Variants in MSI2 observed in about 807,000 individuals in gnomAD.
The protein encoded by MSI2 is musashi RNA binding protein 2, also known as RNA-binding protein Musashi homolog 2.
A neutral mutation model predicts 45.6 loss-of-function variants in MSI2; 17 were observed. That is an observed-to-expected ratio of 0.37 (90% CI 0.26 to 0.56). The LOEUF (loss-of-function observed/expected upper bound fraction) is 0.56. Among genes scored for constraint, MSI2 ranks in the 20% least tolerant of loss-of-function variants. The probability of loss-of-function intolerance (pLI) is 0.77; values close to 1 mark genes in which losing one functional copy is unlikely to be tolerated. For missense variants in MSI2, 293 were observed against 444.2 expected (o/e 0.66, Z 3.06); for synonymous variants, 156 against 158.2 (o/e 0.99, Z 0.11).
At position 57,538,942 on chromosome 17, in the gene MSI2, A is replaced by G. The variant is rs954294860; in HGVS notation, c.454+9218A>G. 2.0e-5 allele frequency among the ~76,000 whole-genome samples: 3 copies of G among 152,164 alleles called. No homozygotes were observed. In the East Asian group the frequency reaches 5.8e-4, roughly 29 times the overall value. On this transcript the variant is annotated intron_variant, in intron 7 of 13. Coordinates refer to ENST00000284073, the MANE Select transcript of MSI2 (RefSeq NM_138962.4). ...TCAGATTCCTTATCTGTAAAATAGG[A>G]CATTGGGTTAGCCTGAAGCTTACGT... is the stretch of plus-strand genomic sequence containing the variant.
chr17:57,468,353 A>G (rs2085367896), intron 6 of MSI2, among the ~76,000 whole-genome samples: 1 of 151,536 alleles, frequency 6.6e-6, no homozygotes, highest in Non-Finnish European at 1.5e-5. Flanking sequence ...CCCCGTCTCT[A>G]CTAAAAATAC....
intron 5 of MSI2, among the ~76,000 whole-genome samples, chr17:57,379,090 C>G (rs2083552807): frequency 6.6e-6 from 1 of 151,654 alleles, no homozygotes. Flanking sequence ...TTATTTCACT[C>G]TCCATCCCCT....
chr17:57,275,455 C>G (rs1167902078), intron 5 of MSI2, among the ~76,000 whole-genome samples: 2 of 152,158 alleles, frequency 1.3e-5, no homozygotes, highest in Admixed American at 6.5e-5. Flanking sequence ...ATCTACAAAC[C>G]CATGAGCCCT....
Position 57,285,811 on chromosome 17 carries a change from G to A in MSI2, c.312+23619G>A, listed in dbSNP as rs1189963905. The A allele has an allele frequency of 2.2e-6, 3 of 1,383,404 alleles. No individual in the cohort carries two copies. In the African/African-American group the frequency reaches 4.4e-5, roughly 20 times the overall value. The allele number at this position is 1,383,404 out of a possible 1,614,324, so 85.7% of individuals were successfully genotyped here. On this transcript the variant is annotated intron_variant, in intron 5 of 13. Transcript: ENST00000284073. ...TTTAGAAATGTTTTCTTTTCTCCTT[G>A]CCCGTCAGTTAGCCAAGCCTCCTAC...
At chr17:57,500,010 G>A (rs2086067542) in intron 6 of MSI2, among the ~76,000 whole-genome samples, 1 of 152,088 alleles carries the variant, frequency 6.6e-6, no homozygotes, top group Non-Finnish European at 1.5e-5. Context: ...CAACTGGAAT[G>A]AAGGGGAGGG....
intron 5 of MSI2, among the ~76,000 whole-genome samples, chr17:57,382,639 T>G (rs968100536): frequency 1.2e-4 from 19 of 152,200 alleles, no homozygotes; most frequent in African/African-American, 4.6e-4. Context: ...CTGCTGGCAA[T>G]TTTTGATGGC....
At chr17:57,287,915 C>T (rs1189472675) in intron 5 of MSI2, among the ~76,000 whole-genome samples, 1 of 152,130 alleles carries the variant, frequency 6.6e-6, no homozygotes. Flanking sequence ...CTGGAGACAG[C>T]AGTAGTGGGG....
chr17:57,584,791 G>GT lies in MSI2; in HGVS notation c.455-12062dup, dbSNP rs35283984. Among the ~76,000 whole-genome samples the GT allele has an allele frequency of 5.3e-3, 762 of 144,358 alleles. 3 individuals carry two copies. The highest frequency in any genetic ancestry group is 0.015 in the East Asian group (75 of 4,924). 94.7% of individuals were successfully genotyped at this position (144,358 alleles called of 152,430 possible). A position where few individuals can be genotyped will look rare whatever the true frequency, so the allele number is the denominator to read the frequency against. On this transcript the variant is annotated intron_variant, in intron 7 of 13. Coordinates refer to ENST00000284073, the MANE Select transcript of MSI2 (RefSeq NM_138962.4). The stretch of plus-strand genomic sequence containing the variant: ...ACTCAAAGATTAATGGATGATTTGG[G>GT]TTTTTTTTTTTTTTTAACCTAAATG...
chr17:57,269,268 G>T (rs1232997565), intron 5 of MSI2, among the ~76,000 whole-genome samples: 3 of 152,202 alleles, frequency 2.0e-5, no homozygotes, highest in South Asian at 2.1e-4. Flanking sequence ...TTTGTAGAAG[G>T]CCTCAAGGGC....
At chr17:57,502,630 T>G (rs1287374485) in intron 6 of MSI2, among the ~76,000 whole-genome samples, 4 of 129,378 alleles carry the variant, frequency 3.1e-5, no homozygotes, top group African/African-American at 1.1e-4. Flanking sequence ...TATATATATA[T>G]ATATATAGTC....
At chr17:57,269,520 A>T (rs1908151398) in intron 5 of MSI2, among the ~76,000 whole-genome samples, 1 of 152,218 alleles carries the variant, frequency 6.6e-6, no homozygotes, top group Non-Finnish European at 1.5e-5. Flanking sequence ...CTTCTTCAGG[A>T]GTGATGCTCT....
rs578170493 is a variant in MSI2, at chr17:57,589,429, C to T, written c.455-7439C>T. 6.6e-5 allele frequency among the ~76,000 whole-genome samples: 10 copies of T among 152,338 alleles called. No homozygotes were observed. The East Asian group carries it at 1.5e-3, about 24-fold the overall frequency. ...CCATGCATCTGTGCACACTACTCAT[C>T]GCTTCTGCACTTCCAGGTGGGGCCT... On this transcript the variant is annotated intron_variant, in intron 7 of 13. Coordinates refer to ENST00000284073, the MANE Select transcript of MSI2 (RefSeq NM_138962.4).
intron 8 of MSI2, among the ~76,000 whole-genome samples, chr17:57,607,987 T>G (rs1906815445): frequency 6.6e-6 from 1 of 152,132 alleles, no homozygotes; most frequent in Admixed American, 6.5e-5. Flanking sequence ...AGGCCCCACC[T>G]CCAACACTGG....
At chr17:57,592,282 C>G (rs776043194) in intron 7 of MSI2, among the ~76,000 whole-genome samples, 1 of 152,052 alleles carries the variant, frequency 6.6e-6, no homozygotes, top group Non-Finnish European at 1.5e-5. Context: ...TTTTTCCCAC[C>G]CATCACTCTA....
intron 6 of MSI2, among the ~76,000 whole-genome samples, chr17:57,475,161 G>C (rs1014291150): frequency 3.9e-5 from 6 of 152,194 alleles, no homozygotes; most frequent in African/African-American, 1.4e-4. Context: ...TAAGGTGTGG[G>C]CACTAAGTGA....
At chr17:57,297,964 T>G (rs1473517007) in intron 5 of MSI2, among the ~76,000 whole-genome samples, 4 of 152,210 alleles carry the variant, frequency 2.6e-5, no homozygotes, top group Non-Finnish European at 5.9e-5. Flanking sequence ...AGTTATTTCC[T>G]GCACTGAAAT....
At chr17:57,290,769 T>C (rs1234139593) in intron 5 of MSI2, among the ~76,000 whole-genome samples, 1 of 152,200 alleles carries the variant, frequency 6.6e-6, no homozygotes, top group Non-Finnish European at 1.5e-5. Flanking sequence ...GTGTTTAATA[T>C]CTCAGGTGGT....
At chr17:57,345,490 G>C (rs1915524960) in intron 5 of MSI2, among the ~76,000 whole-genome samples, 1 of 152,056 alleles carries the variant, frequency 6.6e-6, no homozygotes, top group Non-Finnish European at 1.5e-5. Flanking sequence ...TTATATAAGA[G>C]GTAGTGTAGC....
intron 6 of MSI2, among the ~76,000 whole-genome samples, chr17:57,462,939 C>T (rs2085258926): frequency 6.6e-6 from 1 of 152,238 alleles, no homozygotes; most frequent in South Asian, 2.1e-4. Flanking sequence ...GCACCTGTGT[C>T]CATAACGGAG....
Sources: gnomAD v4.1 joint callset for allele counts (sites outside exome capture counted in the v4.1 genomes callset) on GRCh38, gnomAD v4.1.1 for gene constraint, MANE v1.5 for transcripts, NCBI Gene and HGNC (gene_info 2026-07-23, HGNC 2026-07-21) for gene names.